The following SATL1 variants were observed in gnomAD, a reference collection of about 807,000 sequenced individuals.
The protein encoded by SATL1 is spermidine/spermine N(1)-acetyltransferase-like protein 1.
Under a neutral mutation model 51.8 loss-of-function variants are expected in SATL1, and 47 were observed. The observed-to-expected ratio is 0.91, with a 90% CI of 0.72 to 1.16. The LOEUF (loss-of-function observed/expected upper bound fraction) is 1.16, where lower values mean the gene tolerates loss of function less well. Ranked by LOEUF, SATL1 falls within the 50% of genes most tolerant of loss-of-function variation. SATL1 has a pLI of 0.00. For synonymous variants in SATL1, 176 were observed against 182.4 expected (o/e 0.97, Z 0.28); for missense variants, 520 against 526.4 (o/e 0.99, Z 0.12).
chrX:85,096,527 G>C (rs2147681256), intron 4 of SATL1, among the ~76,000 whole-genome samples: 1 of 111,231 alleles, frequency 9.0e-6, no homozygotes, highest in East Asian at 2.8e-4. Flanking sequence ...CATAAAACAT[G>C]AATCTACAAA....
chrX:85,182,003 C>T (rs372412301), intron 2 of SATL1, among the ~76,000 whole-genome samples: 2 of 111,251 alleles, frequency 1.8e-5, no homozygotes, highest in East Asian at 5.6e-4. Context: ...TTATGGAGTA[C>T]ACAGTGATAT....
At chrX:85,136,554 C>G (rs1831436978) in intron 2 of SATL1, among the ~76,000 whole-genome samples, 1 of 111,918 alleles carries the variant, frequency 8.9e-6, no homozygotes, top group African/African-American at 3.2e-5. Flanking sequence ...TCACCAGTGT[C>G]AAAGGCTGCA....
chrX:85,143,349 T>C (rs1926153034), intron 2 of SATL1: 1 of 111,239 alleles, frequency 9.0e-6, no homozygotes, highest in South Asian at 3.8e-4. Flanking sequence ...ATTCACAATC[T>C]CTGCTGATTG....
chrX:85,171,160 C>T (rs958637930), intron 2 of SATL1, among the ~76,000 whole-genome samples: 1 of 111,197 alleles, frequency 9.0e-6, no homozygotes, highest in Non-Finnish European at 1.9e-5. Flanking sequence ...TGAGAACCGG[C>T]ATAAATCAGG....
intron 2 of SATL1, among the ~76,000 whole-genome samples, chrX:85,148,822 A>G (rs1436675560): frequency 8.9e-6 from 1 of 111,756 alleles, no homozygotes; most frequent in Non-Finnish European, 1.9e-5. Flanking sequence ...GAAGCACTAA[A>G]CATGGAAAGG....
chrX:85,160,026 A>G (rs1926683989), intron 2 of SATL1, among the ~76,000 whole-genome samples: 1 of 73,807 alleles, frequency 1.4e-5, no homozygotes, highest in Non-Finnish European at 2.8e-5. Context: ...TCGGGGCCCA[A>G]TATCAGTCCC....
chrX:85,128,023 C>T (rs1308778779), intron 2 of SATL1, among the ~76,000 whole-genome samples: 2 of 111,635 alleles, frequency 1.8e-5, no homozygotes, highest in Non-Finnish European at 3.8e-5. Flanking sequence ...ATATGTGCCA[C>T]GTTTTCTTAA....
intron 2 of SATL1, among the ~76,000 whole-genome samples, chrX:85,176,102 A>T (rs1927076591): frequency 8.9e-6 from 1 of 111,946 alleles, no homozygotes; most frequent in African/African-American, 3.2e-5. Flanking sequence ...ATTTTTTAAA[A>T]TGGGCAAATT....
intron 2 of SATL1, among the ~76,000 whole-genome samples, chrX:85,134,228 CTAT>C (rs1005419538): frequency 9.1e-6 from 1 of 109,770 alleles, no homozygotes; most frequent in Non-Finnish European, 1.9e-5. Context: ...TGTGTGTATA[CTAT>C]TAAGTTTATT....
At chrX:85,242,999 G>A (rs1313817582) in intron 1 of SATL1, among the ~76,000 whole-genome samples, 1 of 111,799 alleles carries the variant, frequency 8.9e-6, no homozygotes, top group Non-Finnish European at 1.9e-5. Context: ...CCTTCATAGG[G>A]AAAGTTTGCC....
intron 2 of SATL1, among the ~76,000 whole-genome samples, chrX:85,165,006 G>A: frequency 9.0e-6 from 1 of 111,257 alleles, no homozygotes; most frequent in Non-Finnish European, 1.9e-5. Context: ...TTGAAGGCGT[G>A]AGCCACTGCA....
chrX:85,154,136 C>T (rs1006327790), intron 2 of SATL1, among the ~76,000 whole-genome samples: 10 of 111,543 alleles, frequency 9.0e-5, no homozygotes, highest in African/African-American at 3.3e-4. Flanking sequence ...ACTGGAAAGT[C>T]ACTTCCCCAG....
chrX:85,220,006 G>T, intron 2 of SATL1, among the ~76,000 whole-genome samples: 1 of 80,278 alleles, frequency 1.2e-5, no homozygotes, highest in Admixed American at 1.5e-4. Context: ...TGAAGAGATA[G>T]AAAAAAAAAA....
intron 2 of SATL1, among the ~76,000 whole-genome samples, chrX:85,155,763 TA>T (rs1926572035): frequency 9.0e-6 from 1 of 111,608 alleles, no homozygotes; most frequent in Non-Finnish European, 1.9e-5. Context: ...CCCTGCCCCA[TA>T]AATCACTGAC....
rs1337859769 is a variant in SATL1 at position 85,166,935 on chromosome X, A to ATATATGTATG, written c.-313+57269_-313+57270insCATACATATA. On this transcript the variant is annotated intron_variant, in intron 2 of 7. Transcript: ENST00000644105. Reference sequence around the variant, plus strand: ...ATGGGGTATATATATATATATATATATGTGTATGTGTGTGTGTGTGTGTGT... The same window carrying ATATATGTATG: ...ATGGGGTATATATATATATATATATATATATGTATGTGTGTATGTGTGTGTGTGTGTGTGT... 3.3e-4 allele frequency among the ~76,000 whole-genome samples: 28 copies of ATATATGTATG among 84,703 alleles called. 1 individual carries two copies. The highest frequency in any genetic ancestry group is 1.6e-3 in the Admixed American group (13 of 8,333). The allele number at this position is 84,703 out of a possible 115,157, so 73.6% of individuals were successfully genotyped here.
rs1925128468 is a variant in SATL1 at position 85,108,111 on chromosome X, C to A, written c.858G>T (p.Met286Ile). ...MNQWSASLYE[M>I]NQVDMKQPSM... ...TTGGTTGTTTCATGTCCACTTGGTT[C>A]ATTTCATATAGGCTTGCACTCCATT... The change falls in exon 3 of 8, where the codon ATG (methionine) becomes ATT (isoleucine). Residue 286 changes from methionine to isoleucine, a missense_variant. Transcript: ENST00000644105. 1 of 1,211,669 alleles carries A rather than the reference C, an allele frequency of 8.3e-7. No homozygotes were observed. Among genetic ancestry groups the A allele is most frequent in the African/African-American group, 1.7e-5 (1 of 57,683 alleles).
intron 2 of SATL1, among the ~76,000 whole-genome samples, chrX:85,112,788 T>G (rs1380545940): frequency 1.8e-5 from 2 of 111,284 alleles, no homozygotes; most frequent in African/African-American, 6.5e-5. Context: ...AGACTGCCTT[T>G]CCTGGTGCCA....
chrX:85,170,317 G>C (rs1926945925), intron 2 of SATL1, among the ~76,000 whole-genome samples: 1 of 111,442 alleles, frequency 9.0e-6, no homozygotes, highest in African/African-American at 3.2e-5. Context: ...AAAATATTTA[G>C]TTGTCCAGAA....
chrX:85,113,176 G>T (rs935805530), intron 2 of SATL1, among the ~76,000 whole-genome samples: 2 of 110,565 alleles, frequency 1.8e-5, no homozygotes, highest in Admixed American at 1.9e-4. Context: ...GTAGTCTAGG[G>T]TTTCTTTGTA....
Sources: allele counts gnomAD v4.1 joint callset (sites outside exome capture counted in the v4.1 genomes callset), GRCh38; gene constraint gnomAD v4.1.1; transcripts MANE v1.5; gene names NCBI Gene and HGNC (gene_info 2026-07-23, HGNC 2026-07-21).